SOCS7: variants seen among roughly 807,000 people sequenced by gnomAD.
SOCS7 encodes suppressor of cytokine signaling 7.
SOCS7 carries 18 observed loss-of-function variants against 58.9 expected under a neutral mutation model. That is an observed-to-expected ratio of 0.31 (90% confidence interval 0.21 to 0.45). SOCS7 has a LOEUF of 0.45. Ranked by LOEUF, SOCS7 falls within the 20% of genes least tolerant of loss-of-function variation. The probability of loss-of-function intolerance (pLI) is 1.00; values close to 1 mark genes in which losing one functional copy is unlikely to be tolerated. For synonymous variants in SOCS7, 388 were observed against 364.3 expected, an observed-to-expected ratio of 1.06 and a Z score of -0.74; for missense variants, 667 against 837.3, an observed-to-expected ratio of 0.80 and a Z score of 2.51.
intron 7 of SOCS7, among the ~76,000 whole-genome samples, chr17:38,382,637 C>T (rs549652704): frequency 1.4e-4 from 21 of 151,950 alleles, no homozygotes; most frequent in African/African-American, 3.1e-4. Context: ...TACAGGCGCC[C>T]GCCACCACGC....
At chr17:38,377,074 T>C (rs1189472768) in intron 6 of SOCS7, among the ~76,000 whole-genome samples, 2 of 152,242 alleles carry the variant, frequency 1.3e-5, no homozygotes, top group Non-Finnish European at 2.9e-5. Context: ...TACACTCTGA[T>C]GTTCGCCTAA....
chr17:38,387,133 G>GTGTATATATATATATATATATATATA (rs1269515665), intron 7 of SOCS7, among the ~76,000 whole-genome samples: 5 of 73,476 alleles, frequency 6.8e-5, no homozygotes, highest in African/African-American at 3.5e-4. Flanking sequence ...ATATATGTAT[G>GTGTATATATATATATATATATATATA]TATATATATA....
intron 4 of SOCS7, 132 bp from the exon 5 acceptor site, chr17:38,366,155 C>T: frequency 7.3e-7 from 1 of 1,361,248 alleles, no homozygotes; most frequent in Non-Finnish European, 9.9e-7. Flanking sequence ...ACTGCTTTGG[C>T]TTCTACCCTT....
At chr17:38,360,743 G>A (rs1465594428) in intron 1 of SOCS7, among the ~76,000 whole-genome samples, 1 of 151,980 alleles carries the variant, frequency 6.6e-6, no homozygotes, top group Non-Finnish European at 1.5e-5. Flanking sequence ...GTTTCACCGT[G>A]TTAGCCAGGA....
intron 7 of SOCS7, among the ~76,000 whole-genome samples, chr17:38,388,839 A>C (rs1735474663): frequency 6.6e-6 from 1 of 152,130 alleles, no homozygotes; most frequent in Non-Finnish European, 1.5e-5. Flanking sequence ...ATTCTTTTTT[A>C]TGACTGAATA....
intron 9 of SOCS7, among the ~76,000 whole-genome samples, chr17:38,396,610 A>G (rs1291075865): frequency 6.6e-6 from 1 of 152,218 alleles, no homozygotes; most frequent in Non-Finnish European, 1.5e-5. Context: ...CTCTTCTCCC[A>G]TCATTACACA....
At chr17:38,354,053 T>A (rs193142064) in intron 1 of SOCS7, among the ~76,000 whole-genome samples, 89 of 152,238 alleles carry the variant, frequency 5.8e-4, no homozygotes, top group Non-Finnish European at 1.1e-3. Context: ...AGACGTTGAG[T>A]TTTTTTCCTG....
At chr17:38,390,552 T>C (rs2038157083) in intron 7 of SOCS7, among the ~76,000 whole-genome samples, 1 of 152,210 alleles carries the variant, frequency 6.6e-6, no homozygotes, top group Admixed American at 6.6e-5. Context: ...TTATGTCTTC[T>C]GATCCATGGA....
At chr17:38,369,001 TTAA>T (rs1341471877) in intron 6 of SOCS7, among the ~76,000 whole-genome samples, 1 of 152,230 alleles carries the variant, frequency 6.6e-6, no homozygotes, top group Non-Finnish European at 1.5e-5. Context: ...AGCCGACTTG[TTAA>T]ACACAGCTCT....
intron 1 of SOCS7, among the ~76,000 whole-genome samples, chr17:38,355,900 T>G (rs1555566751): frequency 1.3e-5 from 2 of 152,162 alleles, no homozygotes. Context: ...GTTTTTTGTT[T>G]TGAGGTGGAG....
At chr17:38,368,664 G>T (rs1232789170) in intron 6 of SOCS7, among the ~76,000 whole-genome samples, 2 of 152,058 alleles carry the variant, frequency 1.3e-5, no homozygotes, top group Admixed American at 6.6e-5. Flanking sequence ...ACCAGGCCTG[G>T]CTAATTTTTG....
At position 38,352,640 on chromosome 17, in the gene SOCS7, C is replaced by T; in HGVS notation, c.588C>T (p.Cys196=). The stretch of plus-strand genomic sequence containing the variant: ...CCGAGAGCCTGGAGACTAACAGCTG[C>T]TCGGAAGAGGAGCTCAGCAGCCCGG... The part of the protein sequence containing the change: ...SEAESLETNS[C]SEEELSSPGR... Residue 196 remains cysteine, a synonymous_variant, in exon 1 of 10, where the codon TGC becomes TGT. Coordinates refer to ENST00000612932, the MANE Select transcript of SOCS7 (RefSeq NM_014598.4). This position sits in a 1 kb window ranked among gnomAD's most constrained non-coding sequence, Gnocchi z 5.5. 3 of 1,550,042 alleles carry T rather than the reference C, an allele frequency of 1.9e-6. No homozygotes were observed. Among genetic ancestry groups the T allele is most frequent in the South Asian group, 1.2e-5 (1 of 84,054 alleles).
chr17:38,399,087 C>CA (rs1212485683), intron 9 of SOCS7, among the ~76,000 whole-genome samples: 3,891 of 59,144 alleles, frequency 0.066, 91 homozygotes, highest in African/African-American at 0.13. Flanking sequence ...GACTCCGTCT[C>CA]AAAAAAAAAA....
At chr17:38,382,437 C>CAAAAAAA (rs1190332565) in intron 7 of SOCS7, among the ~76,000 whole-genome samples, 2 of 68,570 alleles carry the variant, frequency 2.9e-5, no homozygotes, top group Non-Finnish European at 5.8e-5. Flanking sequence ...GACCCTATCT[C>CAAAAAAA]AAAAAAAAAA....
Position 38,352,275 on chromosome 17 carries a change from G to T in SOCS7, c.223G>T (p.Glu75Ter). 2 of 1,480,742 alleles carry T rather than the reference G, an allele frequency of 1.4e-6. No individual in the cohort carries two copies. Among genetic ancestry groups the T allele is most frequent in the Non-Finnish European group, 1.8e-6 (2 of 1,125,582 alleles). The allele number at this position is 1,480,742 out of a possible 1,614,324, so 91.7% of individuals were successfully genotyped here. ...GTTCCGCAACGTGGGTCGGCCGCCGGAGGAGGAGGACGTGGAGGCGGCCCC... is the reference window on the plus strand; with the variant it reads ...GTTCCGCAACGTGGGTCGGCCGCCGTAGGAGGAGGACGTGGAGGCGGCCCC... Reference protein sequence around the residue: ...MVFRNVGRPPEEEDVEAAPEP... With the variant: ...MVFRNVGRPP The change falls in exon 1 of 10, where the codon GAG becomes TAG. Residue 75 changes from glutamate to a stop codon, truncating the protein, a stop_gained. Transcript: ENST00000612932. LOFTEE classifies it high-confidence loss of function. The surrounding 1 kb of genome is among the most constrained non-coding windows in gnomAD (Gnocchi z 5.5).
chr17:38,383,928 C>T (rs764839095), intron 7 of SOCS7, among the ~76,000 whole-genome samples: 5 of 152,140 alleles, frequency 3.3e-5, no homozygotes, highest in East Asian at 1.9e-4. Context: ...ATTTCACTTA[C>T]GCTTGTGAAA....
At chr17:38,365,150 G>A (rs587652301) in intron 3 of SOCS7, among the ~76,000 whole-genome samples, 158 bp from the exon 4 acceptor site, 48 of 152,330 alleles carry the variant, frequency 3.2e-4, no homozygotes, top group African/African-American at 1.2e-3. Flanking sequence ...GCAAAACAGA[G>A]TAAGATGATT....
intron 6 of SOCS7, among the ~76,000 whole-genome samples, chr17:38,377,040 C>T (rs1464896162): frequency 6.6e-6 from 1 of 152,152 alleles, no homozygotes; most frequent in East Asian, 1.9e-4. Context: ...ATGTAGTAGG[C>T]TACACCATCT....
At chr17:38,366,579 C>T (rs2037793252) in intron 5 of SOCS7, among the ~76,000 whole-genome samples, 162 bp downstream of exon 5, 1 of 152,236 alleles carries the variant, frequency 6.6e-6, no homozygotes, top group African/African-American at 2.4e-5. Flanking sequence ...ACTGTAGGCT[C>T]AAACTCCTGG....
Sources: gnomAD v4.1 joint callset for allele counts (sites outside exome capture counted in the v4.1 genomes callset) on GRCh38, gnomAD v4.1.1 for gene constraint, Gnocchi (gnomAD v3.1) non-coding constraint, MANE v1.5 for transcripts, NCBI Gene and HGNC (gene_info 2026-07-23, HGNC 2026-07-21) for gene names.